Variants in SHISA9 observed in about 807,000 individuals in gnomAD.
SHISA9 encodes protein shisa-9.
SHISA9 carries 13 observed loss-of-function variants against 38.0 expected under a neutral mutation model. The observed-to-expected ratio is 0.34, with a 90% CI of 0.22 to 0.54. The LOEUF is 0.54. SHISA9 is among the 20% of genes least tolerant of loss of function. The pLI is 0.91. For missense variants in SHISA9, 538 were observed against 575.8 expected (o/e 0.93, Z 0.67); for synonymous variants, 275 against 242.0 (o/e 1.14, Z -1.27).
chr16:13,409,213 A>T, the SHISA9 span, among the ~76,000 whole-genome samples: 1 of 152,044 alleles, frequency 6.6e-6, no homozygotes. Context: ...TCATCTTCCC[A>T]CTCCATCCCC....
chr16:13,245,484 TA>T, the SHISA9 span, among the ~76,000 whole-genome samples: 10 of 152,188 alleles, frequency 6.6e-5, no homozygotes. Flanking sequence ...GATAAAATAA[TA>T]GATAAAAAGA....
chr16:13,508,020 G>T, the SHISA9 span, among the ~76,000 whole-genome samples: 1,533 of 152,150 alleles, frequency 0.01, 11 homozygotes, highest in Middle Eastern at 0.034. Flanking sequence ...CTTCTCCATG[G>T]TAACCACCAA....
At chr16:13,366,876 A>G in the SHISA9 span, among the ~76,000 whole-genome samples, 1 of 151,406 alleles carries the variant, frequency 6.6e-6, no homozygotes, top group East Asian at 2.0e-4. Context: ...CTAGCTACTC[A>G]GGAGACTGAG....
intron 2 of SHISA9, among the ~76,000 whole-genome samples, chr16:13,200,501 A>G (rs1567245579): frequency 6.6e-6 from 1 of 151,954 alleles, no homozygotes; most frequent in Non-Finnish European, 1.5e-5. Context: ...CATTTCCCAC[A>G]GGACCAATAC....
At chr16:13,225,837 G>T (rs2051273950) in intron 4 of SHISA9, among the ~76,000 whole-genome samples, 1 of 152,158 alleles carries the variant, frequency 6.6e-6, no homozygotes, top group African/African-American at 2.4e-5. Context: ...ATGGAGGAAG[G>T]TATAGTTTAA....
chr16:13,107,114 G>A (rs1014246840), intron 2 of SHISA9, among the ~76,000 whole-genome samples: 1 of 152,016 alleles, frequency 6.6e-6, no homozygotes, highest in Non-Finnish European at 1.5e-5. Context: ...GTGAGGGAAT[G>A]AACAAAATAA....
chr16:13,005,013 A>T (rs917655044), intron 2 of SHISA9, among the ~76,000 whole-genome samples: 6 of 152,154 alleles, frequency 3.9e-5, no homozygotes, highest in Admixed American at 6.5e-5. Flanking sequence ...AATCCATAGA[A>T]CCTGGCTATG....
chr16:13,243,857 C>G (rs1451503207), downstream of SHISA9, among the ~76,000 whole-genome samples: 1 of 144,792 alleles, frequency 6.9e-6, no homozygotes, highest in African/African-American at 2.5e-5. Context: ...ACTGCAACCT[C>G]TGCCTCCCAG....
At chr16:13,014,513 A>G (rs928004407) in intron 2 of SHISA9, among the ~76,000 whole-genome samples, 2 of 152,182 alleles carry the variant, frequency 1.3e-5, no homozygotes, top group African/African-American at 2.4e-5. Context: ...TTATTTCCTT[A>G]TCTTGGAGAT....
At chr16:13,116,741 G>A (rs2074034330) in intron 2 of SHISA9, among the ~76,000 whole-genome samples, 1 of 152,144 alleles carries the variant, frequency 6.6e-6, no homozygotes, top group African/African-American at 2.4e-5. Flanking sequence ...AAATGGTGAA[G>A]ATATTGTCTA....
chr16:13,001,435 T>C (rs980278912), intron 2 of SHISA9, among the ~76,000 whole-genome samples: 2 of 152,276 alleles, frequency 1.3e-5, no homozygotes, highest in Non-Finnish European at 2.9e-5. Context: ...CCCCCTGGGA[T>C]AGAAACATTT....
chr16:13,187,310 C>CTTCTTTTCTTTTCTT lies in SHISA9; in HGVS notation c.692-16076_692-16062dup, dbSNP rs1190991785. Among the ~76,000 whole-genome samples the CTTCTTTTCTTTTCTT allele has an allele frequency of 4.3e-3, 486 of 113,752 alleles. 4 individuals carry two copies. Among genetic ancestry groups the CTTCTTTTCTTTTCTT allele is most frequent in the African/African-American group, 0.015 (421 of 27,172 alleles). 74.6% of individuals were successfully genotyped at this position (113,752 alleles called of 152,430 possible). On this transcript the variant is annotated intron_variant, in intron 2 of 4. Transcript: ENST00000558583. ...TTGGCACCTTGAGGGACAGAGAAGGCTTCTTTTCTTTTCTTTTCTTTTTTT... is the reference window on the plus strand; with the variant it reads ...TTGGCACCTTGAGGGACAGAGAAGGCTTCTTTTCTTTTCTTTTCTTTTCTTTTCTTTTCTTTTTTT...
chr16:13,084,901 T>C (rs1184536473), intron 2 of SHISA9, among the ~76,000 whole-genome samples: 1 of 152,032 alleles, frequency 6.6e-6, no homozygotes, highest in Non-Finnish European at 1.5e-5. Flanking sequence ...GGGGGGAAGG[T>C]TTTGTTTGAG....
chr16:12,952,381 C>G (rs1039345918), intron 2 of SHISA9, among the ~76,000 whole-genome samples: 1 of 152,210 alleles, frequency 6.6e-6, no homozygotes, highest in Non-Finnish European at 1.5e-5. Context: ...CTTCAGCTGA[C>G]GTGTGGTTGA....
At chr16:13,012,983 C>T (rs959893978) in intron 2 of SHISA9, among the ~76,000 whole-genome samples, 2 of 152,074 alleles carry the variant, frequency 1.3e-5, no homozygotes, top group Non-Finnish European at 2.9e-5. Flanking sequence ...GAGGGAGGGG[C>T]GTGGAGGGAG....
At chr16:13,086,381 A>G (rs983443359) in intron 2 of SHISA9, among the ~76,000 whole-genome samples, 2 of 151,432 alleles carry the variant, frequency 1.3e-5, no homozygotes, top group Non-Finnish European at 2.9e-5. Flanking sequence ...AAAAAGAAGA[A>G]GAATATTGTC....
chr16:13,535,450 A>T, the SHISA9 span, among the ~76,000 whole-genome samples: 2 of 152,176 alleles, frequency 1.3e-5, no homozygotes, highest in African/African-American at 4.8e-5. Flanking sequence ...CTTATAGCCT[A>T]AGCCAGGGAC....
the SHISA9 span, among the ~76,000 whole-genome samples, chr16:13,524,974 T>C: frequency 1.3e-5 from 2 of 152,192 alleles, no homozygotes; most frequent in African/African-American, 2.4e-5. Context: ...CGTTGCTAAA[T>C]GTCTCCTGGG....
At chr16:13,558,776 CAAAA>C in the SHISA9 span, among the ~76,000 whole-genome samples, 1 of 152,056 alleles carries the variant, frequency 6.6e-6, no homozygotes, top group Non-Finnish European at 1.5e-5. Flanking sequence ...AAACAGACTA[CAAAA>C]AAAGATATTT....
Sources: gnomAD v4.1 joint callset for allele counts (sites outside exome capture counted in the v4.1 genomes callset) on GRCh38, gnomAD v4.1.1 for gene constraint, MANE v1.5 for transcripts, NCBI Gene and HGNC (gene_info 2026-07-23, HGNC 2026-07-21) for gene names.